RNASET2: variants seen among roughly 807,000 people sequenced by gnomAD.
RNASET2 encodes the protein ribonuclease 6.
A neutral mutation model predicts 33.9 loss-of-function variants in RNASET2; 28 were observed. The ratio of observed to expected loss-of-function variants is 0.83; its 90% CI spans 0.61 to 1.13. The LOEUF (loss-of-function observed/expected upper bound fraction) is 1.13. Among genes scored for constraint, RNASET2 ranks in the 50% most tolerant of loss-of-function variants. The pLI, the probability that RNASET2 is intolerant of heterozygous loss-of-function variation, is 0.00. For missense variants in RNASET2, 330 were observed against 319.9 expected (o/e 1.03, Z -0.24); for synonymous variants, 123 against 121.0 (o/e 1.02, Z -0.11).
chr6:166,925,816 C>T lies in RNASET2; in HGVS notation c.*3772G>A, dbSNP rs542666979. Reference sequence around the variant, plus strand: ...AGGTGAGCAGAAGAGCACTCCAGGCCACCCAAACTGCGCGGAGAATCCAGG... The same window carrying T: ...AGGTGAGCAGAAGAGCACTCCAGGCTACCCAAACTGCGCGGAGAATCCAGG... On this transcript the variant is annotated 3_prime_UTR_variant, in exon 9 of 9. Transcript: ENST00000508775. 1.2e-4 allele frequency among the ~76,000 whole-genome samples: 18 copies of T among 152,348 alleles called. No homozygotes were observed. Among genetic ancestry groups the T allele is most frequent in the African/African-American group, 3.4e-4 (14 of 41,582 alleles).
In RNASET2 at chr6:166,933,271, T is replaced by A. The variant is rs949838999; in HGVS notation, c.492+820A>T. ...ATGACACATCGGTCCCTACTGCAGC[T>A]ACACCATGGGAGCACAAGCATCCCC... On this transcript the variant is annotated intron_variant, in intron 7 of 8. Coordinates refer to ENST00000508775, the MANE Select transcript of RNASET2 (RefSeq NM_003730.6). This position sits in a 1 kb window ranked among gnomAD's most constrained non-coding sequence, Gnocchi z 4.1. 6.6e-6 allele frequency: 1 copy of A among 152,204 alleles called. No homozygotes were observed. The highest frequency in any genetic ancestry group is 1.5e-5 in the Non-Finnish European group (1 of 68,032). 9.4% of individuals were successfully genotyped at this position (152,204 alleles called of 1,614,324 possible).
chr6:166,943,727 T>C (rs1245783842), intron 4 of RNASET2: 8 of 469,606 alleles, frequency 1.7e-5, no homozygotes, highest in African/African-American at 8.0e-5. Context: ...TTGTAACAAA[T>C]GTAACACACT....
chr6:166,955,095 A>G (rs1005174081), intron 1 of RNASET2, among the ~76,000 whole-genome samples: 4 of 152,196 alleles, frequency 2.6e-5, no homozygotes, highest in African/African-American at 9.7e-5. Flanking sequence ...ATGGTATTCA[A>G]ATATTGGTAT....
At chr6:166,955,749 C>T in intron 1 of RNASET2, 1 of 1,195,368 alleles carries the variant, frequency 8.4e-7, no homozygotes, top group Non-Finnish European at 1.0e-6. Context: ...CACTTCTTCC[C>T]AGGAGTCACC....
intron 1 of RNASET2, among the ~76,000 whole-genome samples, chr6:166,955,330 C>CACACGCAG (rs1491421111): frequency 6.8e-5 from 6 of 88,380 alleles, no homozygotes; most frequent in African/African-American, 1.6e-4. Context: ...CACACACGCA[C>CACACGCAG]GCACGCACAC....
Position 166,922,989 on chromosome 6 carries a change from A to G in RNASET2, c.*6599T>C, listed in dbSNP as rs565035191. ...GATTGTGTAATTCTTGCTCCCTCAA[A>G]TAAAGGGAATGTAAATGCATAAGAA... On this transcript the variant is annotated 3_prime_UTR_variant, in exon 9 of 9. Coordinates refer to ENST00000508775, the MANE Select transcript of RNASET2 (RefSeq NM_003730.6). 6.6e-6 allele frequency among the ~76,000 whole-genome samples: 1 copy of G among 152,354 alleles called. No homozygotes were observed. Among genetic ancestry groups the G allele is most frequent in the African/African-American group, 2.4e-5 (1 of 41,584 alleles).
At chr6:166,929,909 A>G (rs1778379482) in intron 8 of RNASET2, 118 bp from the exon 9 acceptor site, 6 of 942,120 alleles carry the variant, frequency 6.4e-6, no homozygotes, top group Non-Finnish European at 3.3e-6. Flanking sequence ...TCCACACCAC[A>G]GGTTCTAGGT....
chr6:166,935,374 T>C (rs1778541438), intron 6 of RNASET2, among the ~76,000 whole-genome samples: 1 of 152,228 alleles, frequency 6.6e-6, no homozygotes, highest in Non-Finnish European at 1.5e-5. Flanking sequence ...AAATTTAAAA[T>C]GACATCTGTG....
intron 6 of RNASET2, chr6:166,938,584 A>G (rs1164714303): frequency 3.2e-6 from 2 of 631,188 alleles, no homozygotes; most frequent in Non-Finnish European, 6.2e-6. Flanking sequence ...ATCAGGAATC[A>G]TGGCTGAGAA....
chr6:166,952,526 G>GT lies in RNASET2; in HGVS notation c.108dup (p.Leu37ThrfsTer9). The GT allele has an allele frequency of 1.2e-6, 2 of 1,613,834 alleles. No individual in the cohort carries two copies. The highest frequency in any genetic ancestry group is 1.7e-6 in the Non-Finnish European group (2 of 1,179,664). On this transcript the variant is annotated frameshift_variant, in exon 2 of 9. Transcript: ENST00000508775. LOFTEE classifies it high-confidence loss of function. ...TCAGGCCAGTGCTGAACCATAATTA[G>GT]TTTTTTCCACTCATGGTTGTCACTG...
chr6:166,947,483 G>A (rs1778876691), intron 3 of RNASET2, among the ~76,000 whole-genome samples: 1 of 152,130 alleles, frequency 6.6e-6, no homozygotes, highest in African/African-American at 2.4e-5. Flanking sequence ...GATTCTATCC[G>A]CTGGACTGGA....
At position 166,929,526 on chromosome 6, in the gene RNASET2, G is replaced by T; in HGVS notation, c.*62C>A. 2 of 1,545,946 alleles carry T rather than the reference G, an allele frequency of 1.3e-6. No homozygotes were observed. Among genetic ancestry groups the T allele is most frequent in the South Asian group, 1.1e-5 (1 of 89,396 alleles). On this transcript the variant is annotated 3_prime_UTR_variant, in exon 9 of 9. Coordinates refer to ENST00000508775, the MANE Select transcript of RNASET2 (RefSeq NM_003730.6). ...GACTTCACTTTGGAGTTGTTTTTTAGAAAGCTGCAGTTTGTGAATTTCTCT... is the reference window on the plus strand; with the variant it reads ...GACTTCACTTTGGAGTTGTTTTTTATAAAGCTGCAGTTTGTGAATTTCTCT...
intron 1 of RNASET2, 36 bp from the exon 2 acceptor site, chr6:166,952,584 T>C (rs1779012923): frequency 6.5e-7 from 1 of 1,547,458 alleles, no homozygotes; most frequent in African/African-American, 1.4e-5. Flanking sequence ...TTCAAGAACT[T>C]TTTTTAAAGT....
At chr6:166,935,652 T>C (rs1778548773) in intron 6 of RNASET2, among the ~76,000 whole-genome samples, 6 of 152,214 alleles carry the variant, frequency 3.9e-5, no homozygotes, top group Admixed American at 3.9e-4. Flanking sequence ...TATTATGAAG[T>C]GAAGAAAAAC....
At chr6:166,931,676 G>GC in intron 7 of RNASET2, 1 of 169,326 alleles carries the variant, frequency 5.9e-6, no homozygotes, top group Non-Finnish European at 1.3e-5. Flanking sequence ...CTCTACTGAG[G>GC]GAGTCCTCCC....
intron 3 of RNASET2, among the ~76,000 whole-genome samples, chr6:166,947,875 G>A (rs138087386): frequency 1.4e-3 from 215 of 152,288 alleles, no homozygotes; most frequent in African/African-American, 5.1e-3. Context: ...AGAATTAACT[G>A]AACAAAACGC....
intron 7 of RNASET2, 73 bp from the exon 8 acceptor site, chr6:166,931,191 G>A: frequency 9.2e-7 from 1 of 1,082,882 alleles, no homozygotes; most frequent in Non-Finnish European, 1.4e-6. Context: ...ACTATCCTGA[G>A]CGCAACAGTG....
At chr6:166,937,218 C>A (rs1027821994) in intron 6 of RNASET2, among the ~76,000 whole-genome samples, 7 of 152,278 alleles carry the variant, frequency 4.6e-5, no homozygotes, top group South Asian at 2.1e-4. Flanking sequence ...CTCACTGCAA[C>A]CTCCACCTCC....
chr6:166,930,774 CATGCACACAT>C (rs1778412054), intron 8 of RNASET2, among the ~76,000 whole-genome samples: 1 of 149,364 alleles, frequency 6.7e-6, no homozygotes, highest in African/African-American at 2.5e-5. Flanking sequence ...CATGCACACA[CATGCACACAT>C]AGCACATGCC....
Sources: allele counts gnomAD v4.1 joint callset (sites outside exome capture counted in the v4.1 genomes callset), GRCh38; gene constraint gnomAD v4.1.1; non-coding constraint Gnocchi (gnomAD v3.1); transcripts MANE v1.5; gene names NCBI Gene and HGNC (gene_info 2026-07-23, HGNC 2026-07-21).